The following NEBL variants were observed in gnomAD, a reference collection of about 807,000 sequenced individuals.
NEBL encodes nebulette.
NEBL carries 122 observed loss-of-function variants against 140.2 expected under a neutral mutation model. That is an observed-to-expected ratio of 0.87 (90% CI 0.75 to 1.01). The LOEUF (loss-of-function observed/expected upper bound fraction) is 1.01. Ranked by LOEUF, NEBL falls within the 50% of genes least tolerant of loss-of-function variation. NEBL has a pLI of 0.00. For missense variants in NEBL, 1,365 were observed against 1,231.3 expected, an observed-to-expected ratio of 1.11 and a Z score of -1.62; for synonymous variants, 436 against 398.9, an observed-to-expected ratio of 1.09 and a Z score of -1.11.
intron 4 of NEBL, among the ~76,000 whole-genome samples, chr10:20,935,269 C>T (rs1834418066): frequency 6.6e-6 from 1 of 152,210 alleles, no homozygotes; most frequent in African/African-American, 2.4e-5. Flanking sequence ...AAGATCACAA[C>T]ATAGATTCAT....
At chr10:21,162,864 A>C (rs1260677162) in intron 2 of NEBL, among the ~76,000 whole-genome samples, 1 of 152,254 alleles carries the variant, frequency 6.6e-6, no homozygotes, top group Non-Finnish European at 1.5e-5. Flanking sequence ...AGTCACTCCA[A>C]TGCCAGAGGG....
At chr10:21,096,205 C>G (rs1054426367) in intron 2 of NEBL, among the ~76,000 whole-genome samples, 2 of 152,166 alleles carry the variant, frequency 1.3e-5, no homozygotes, top group African/African-American at 2.4e-5. Context: ...GACTTCAATA[C>G]CACTGAGTTC....
intron 5 of NEBL, among the ~76,000 whole-genome samples, chr10:20,874,380 G>A (rs571375489): frequency 4.6e-5 from 7 of 152,208 alleles, no homozygotes; most frequent in Admixed American, 2.0e-4. Flanking sequence ...GGACAGACAC[G>A]TAACCCAACC....
intron 2 of NEBL, among the ~76,000 whole-genome samples, chr10:21,248,758 G>A (rs776806954): frequency 4.6e-5 from 7 of 151,976 alleles, no homozygotes; most frequent in Non-Finnish European, 8.8e-5. Context: ...TTTCCATGGC[G>A]GCTGCACCAT....
chr10:20,995,510 G>T lies in NEBL; in HGVS notation c.249+24607C>A, dbSNP rs11012469. ...CTCCAGTTCAGTGTAATTATGAGGG[G>T]ATTTGCAGCAGCACCGCACGCTGAG... On this transcript the variant is annotated intron_variant, in intron 3 of 6. Transcript: ENST00000417816. 0.032 allele frequency among the ~76,000 whole-genome samples: 4,858 copies of T among 152,174 alleles called. 437 individuals are homozygous for T. The East Asian group carries it at 0.36, about 11-fold the overall frequency.
intron 26 of NEBL, 68 bp downstream of exon 26, chr10:20,808,442 T>TAAAG: frequency 6.6e-7 from 1 of 1,523,670 alleles, no homozygotes; most frequent in East Asian, 2.3e-5. Flanking sequence ...AAAAGAATTT[T>TAAAG]AAAGACACTC....
intron 2 of NEBL, among the ~76,000 whole-genome samples, chr10:21,155,979 T>C (rs1840322451): frequency 6.6e-6 from 1 of 152,166 alleles, no homozygotes; most frequent in Non-Finnish European, 1.5e-5. Context: ...AAAGCAATAT[T>C]GGGAACAGCC....
Position 20,940,632 on chromosome 10 carries a change from C to T in NEBL, c.357+21040G>A, listed in dbSNP as rs548533853. Among the ~76,000 whole-genome samples, 4 of 140,850 alleles carry T rather than the reference C, an allele frequency of 2.8e-5. No homozygotes were observed. In the East Asian group the frequency reaches 8.0e-4, roughly 28 times the overall value. 92.4% of individuals were successfully genotyped at this position (140,850 alleles called of 152,430 possible). A position where few individuals can be genotyped will look rare whatever the true frequency, so the allele number is the denominator to read the frequency against. ...GAGACACAAAAAACCCTTCAAAAAT[C>T]AATGAACACAAGGAGCTGGTTTTTT... On this transcript the variant is annotated intron_variant, in intron 4 of 6. Coordinates refer to the NEBL transcript ENST00000417816.
intron 7 of NEBL, chr10:20,868,326 G>C (rs2131224252): frequency 4.2e-6 from 1 of 239,678 alleles, no homozygotes; most frequent in Admixed American, 5.0e-5. Context: ...GTGTGTGTGT[G>C]TGTGTGTGTG....
At chr10:21,092,332 C>T (rs1836958906) in intron 2 of NEBL, among the ~76,000 whole-genome samples, 1 of 152,132 alleles carries the variant, frequency 6.6e-6, no homozygotes, top group African/African-American at 2.4e-5. Flanking sequence ...CCACTGTTTG[C>T]CTGTGCTTCT....
intron 9 of NEBL, among the ~76,000 whole-genome samples, chr10:20,855,099 T>C (rs1367832449): frequency 6.6e-6 from 1 of 151,538 alleles, no homozygotes; most frequent in Non-Finnish European, 1.5e-5. Flanking sequence ...GGGGTGCACC[T>C]AGTAGTAGTA....
intron 4 of NEBL, among the ~76,000 whole-genome samples, chr10:20,885,888 T>A (rs1449569457): frequency 1.3e-5 from 2 of 152,286 alleles, no homozygotes; most frequent in Non-Finnish European, 2.9e-5. Context: ...AACGTTGACA[T>A]CATATATTTT....
At chr10:20,913,190 A>G (rs141292689) in intron 4 of NEBL, among the ~76,000 whole-genome samples, 12 of 152,302 alleles carry the variant, frequency 7.9e-5, no homozygotes, top group African/African-American at 2.9e-4. Flanking sequence ...GCATTGACTC[A>G]GCTTAGAGAA....
intron 11 of NEBL, among the ~76,000 whole-genome samples, chr10:20,848,739 C>T (rs1250681735): frequency 4.6e-5 from 7 of 152,144 alleles, no homozygotes; most frequent in Non-Finnish European, 1.0e-4. Context: ...CACCACCACT[C>T]GCCAGTCCAT....
At chr10:21,117,293 A>G (rs1275475639) in intron 2 of NEBL, among the ~76,000 whole-genome samples, 1 of 151,536 alleles carries the variant, frequency 6.6e-6, no homozygotes, top group Non-Finnish European at 1.5e-5. Flanking sequence ...CCAATTCTTG[A>G]TTCTCTCCTG....
Position 21,126,179 on chromosome 10 carries a change from G to A in NEBL, c.164+46204C>T, listed in dbSNP as rs1564520249. ...CAAGCCTGGTACCCCCCATAGAAAG[G>A]AAAAAAAATACCACATTTGGAATAA... On this transcript the variant is annotated intron_variant, in intron 2 of 6. Transcript: ENST00000417816. The A allele has an allele frequency of 2.4e-5, 37 of 1,517,186 alleles. No individual in the cohort carries two copies. In the Admixed American group the frequency reaches 4.3e-4, roughly 18 times the overall value. 94.0% of individuals were successfully genotyped at this position (1,517,186 alleles called of 1,614,324 possible).
chr10:21,123,427 G>A (rs1331974167), intron 2 of NEBL, among the ~76,000 whole-genome samples: 1 of 152,134 alleles, frequency 6.6e-6, no homozygotes, highest in Admixed American at 6.6e-5. Flanking sequence ...TATTCTTAAA[G>A]TTCTTTATCA....
At chr10:21,167,650 C>T (rs1161698702) in intron 2 of NEBL, among the ~76,000 whole-genome samples, 4 of 152,194 alleles carry the variant, frequency 2.6e-5, no homozygotes, top group African/African-American at 9.6e-5. Context: ...TTGACTTATA[C>T]ACACAACAAA....
intron 10 of NEBL, 28 bp downstream of exon 10, chr10:20,852,517 G>C (rs181687672): frequency 3.3e-6 from 5 of 1,521,856 alleles, no homozygotes; most frequent in Admixed American, 1.7e-5. Context: ...TGGCAGGGAG[G>C]GTAGGTACCG....
Sources: allele counts gnomAD v4.1 joint callset (sites outside exome capture counted in the v4.1 genomes callset), GRCh38; gene constraint gnomAD v4.1.1; transcripts MANE v1.5; gene names NCBI Gene and HGNC (gene_info 2026-07-23, HGNC 2026-07-21).